KATNAL1: variants seen among roughly 807,000 people sequenced by gnomAD.
KATNAL1 encodes the protein katanin catalytic subunit A1 like 1, also known as katanin p60 ATPase-containing subunit A-like 1.
In KATNAL1, 32 loss-of-function variants were observed where a neutral mutation model predicts 55.2. That is an observed-to-expected ratio of 0.58 (90% CI 0.44 to 0.78). KATNAL1 has a LOEUF of 0.78. Ranked by LOEUF, KATNAL1 falls within the 30% of genes least tolerant of loss-of-function variation. The probability of loss-of-function intolerance (pLI) is 0.00; values close to 1 mark genes in which losing one functional copy is unlikely to be tolerated. For synonymous variants in KATNAL1, 193 were observed against 193.6 expected (o/e 1.00, Z 0.02); for missense variants, 466 against 600.9 (o/e 0.78, Z 2.35).
intron 1 of KATNAL1, chr13:30,306,695 C>T (rs1883199263): frequency 6.6e-6 from 1 of 152,220 alleles, no homozygotes; most frequent in Admixed American, 6.5e-5. Flanking sequence ...ATAAACGTAT[C>T]CAGGAAAGGA....
intron 3 of KATNAL1, among the ~76,000 whole-genome samples, chr13:30,272,537 G>GTC (rs1880460474): frequency 6.6e-6 from 1 of 152,130 alleles, no homozygotes; most frequent in African/African-American, 2.4e-5. Context: ...CAACAAAAAT[G>GTC]TAAAAGTAAC....
intron 1 of KATNAL1, among the ~76,000 whole-genome samples, chr13:30,298,260 A>C (rs1162178103): frequency 6.6e-6 from 1 of 152,210 alleles, no homozygotes; most frequent in Non-Finnish European, 1.5e-5. Flanking sequence ...CAAAATAAAT[A>C]AACTCATATG....
intron 1 of KATNAL1, among the ~76,000 whole-genome samples, chr13:30,303,827 A>T (rs1476142781): frequency 6.6e-6 from 1 of 152,192 alleles, no homozygotes; most frequent in African/African-American, 2.4e-5. Context: ...GCTTCATTTT[A>T]AAAAATTGAT....
chr13:30,285,690 A>T (rs1182610536), intron 1 of KATNAL1, among the ~76,000 whole-genome samples: 1 of 152,220 alleles, frequency 6.6e-6, no homozygotes, highest in Non-Finnish European at 1.5e-5. Flanking sequence ...GTGACTTTGG[A>T]ACTGGGTAGC....
intron 4 of KATNAL1, among the ~76,000 whole-genome samples, chr13:30,253,868 G>A (rs1195522122): frequency 1.3e-5 from 2 of 152,130 alleles, no homozygotes; most frequent in Non-Finnish European, 2.9e-5. Context: ...AAAAAGATGT[G>A]TGACTTCACA....
chr13:30,220,781 C>G (rs1003336911), intron 9 of KATNAL1, among the ~76,000 whole-genome samples: 1 of 151,136 alleles, frequency 6.6e-6, no homozygotes, highest in Non-Finnish European at 1.5e-5. Context: ...TGACTGCAAC[C>G]TCCACCTCGT....
chr13:30,239,227 T>C lies in KATNAL1; in HGVS notation c.726+1233A>G, dbSNP rs566621764. Among the ~76,000 whole-genome samples, 4 of 152,260 alleles carry C rather than the reference T, an allele frequency of 2.6e-5. No individual in the cohort carries two copies. In the South Asian group the frequency reaches 6.2e-4, roughly 24 times the overall value. ...GAGTTCAAGACCAACCTGGCCAACATGGCAAAACCCAGCCTCTACCAAAAA... is the reference window on the plus strand; with the variant it reads ...GAGTTCAAGACCAACCTGGCCAACACGGCAAAACCCAGCCTCTACCAAAAA... On this transcript the variant is annotated intron_variant, in intron 6 of 10. Coordinates refer to ENST00000380615, the MANE Select transcript of KATNAL1 (RefSeq NM_032116.5).
intron 9 of KATNAL1, among the ~76,000 whole-genome samples, chr13:30,223,177 C>T (rs1470431327): frequency 2.0e-5 from 3 of 151,816 alleles, no homozygotes. Flanking sequence ...GCACTGTACA[C>T]ACCTGTAATC....
In KATNAL1 at chr13:30,255,495, A is replaced by C. The variant is rs1233065807; in HGVS notation, c.444T>G (p.Pro148=). Reference sequence around the variant, plus strand: ...TATAGTCCTTGTCCCTACTTGTAGAAGGCTTTTCACTCTTTGATATAGGAT... The same window carrying C: ...TATAGTCCTTGTCCCTACTTGTAGACGGCTTTTCACTCTTTGATATAGGAT... The part of the protein sequence containing the change: ...RAHPISKSEK[P]STSRDKDYRA... Residue 148 remains proline (P), a synonymous_variant, in exon 4 of 11, where the codon CCT becomes CCG. Coordinates refer to ENST00000380615, the MANE Select transcript of KATNAL1 (RefSeq NM_032116.5). 6 of 1,595,954 alleles carry C rather than the reference A, an allele frequency of 3.8e-6. No homozygotes were observed. Among genetic ancestry groups the C allele is most frequent in the Non-Finnish European group, 5.1e-6 (6 of 1,170,878 alleles).
intron 3 of KATNAL1, among the ~76,000 whole-genome samples, chr13:30,262,030 A>AG (rs2137479559): frequency 6.6e-6 from 1 of 152,110 alleles, no homozygotes; most frequent in South Asian, 2.1e-4. Context: ...CTCAGACCAC[A>AG]GTGCAATCAA....
At chr13:30,284,983 A>G (rs1228976045) in intron 1 of KATNAL1, among the ~76,000 whole-genome samples, 2 of 152,214 alleles carry the variant, frequency 1.3e-5, no homozygotes, top group Non-Finnish European at 2.9e-5. Flanking sequence ...ATGAATACAC[A>G]TAAAGAAGAA....
intron 4 of KATNAL1, among the ~76,000 whole-genome samples, chr13:30,245,416 A>C (rs1877690287): frequency 6.6e-6 from 1 of 152,174 alleles, no homozygotes; most frequent in African/African-American, 2.4e-5. Context: ...AAATAATAAG[A>C]GCTATTCATG....
At chr13:30,290,401 A>G (rs1260276391) in intron 1 of KATNAL1, among the ~76,000 whole-genome samples, 2 of 152,224 alleles carry the variant, frequency 1.3e-5, no homozygotes, top group African/African-American at 2.4e-5. Context: ...CTACTGAAAG[A>G]CAAAAGAGAG....
rs1420854610 is a variant in KATNAL1 at position 30,208,378 on chromosome 13, T to C, written c.*162A>G. 1 of 584,490 alleles carries C rather than the reference T, an allele frequency of 1.7e-6. No individual in the cohort carries two copies. Among genetic ancestry groups the C allele is most frequent in the Non-Finnish European group, 2.9e-6 (1 of 344,514 alleles). The allele number at this position is 584,490 out of a possible 1,614,324, so 36.2% of individuals were successfully genotyped here. A position where few individuals can be genotyped will look rare whatever the true frequency, so the allele number is the denominator to read the frequency against. ...ACTAGCAAACTCTCGCCATCAATTA[T>C]TTCTCAACTACATTTAGTATTCTTC... On this transcript the variant is annotated 3_prime_UTR_variant, in exon 11 of 11. Coordinates refer to ENST00000380615, the MANE Select transcript of KATNAL1 (RefSeq NM_032116.5).
intron 4 of KATNAL1, among the ~76,000 whole-genome samples, chr13:30,245,231 G>A (rs2137435403): frequency 1.3e-5 from 2 of 152,284 alleles, no homozygotes; most frequent in South Asian, 4.1e-4. Context: ...TCACCCCTGG[G>A]ATGCAGGGCT....
At chr13:30,279,721 A>C (rs1881130098) in intron 3 of KATNAL1, among the ~76,000 whole-genome samples, 1 of 152,164 alleles carries the variant, frequency 6.6e-6, no homozygotes, top group Non-Finnish European at 1.5e-5. Context: ...CTTCATTTGA[A>C]GTTGTTAGAG....
intron 7 of KATNAL1, 45 bp from the exon 8 acceptor site, chr13:30,230,639 A>G: frequency 2.1e-6 from 3 of 1,415,668 alleles, no homozygotes; most frequent in Non-Finnish European, 2.9e-6. Flanking sequence ...ATCTCATAAA[A>G]CAATTGGAGT....
chr13:30,295,731 T>C (rs560756144), intron 1 of KATNAL1, among the ~76,000 whole-genome samples: 5 of 152,342 alleles, frequency 3.3e-5, no homozygotes, highest in East Asian at 1.9e-4. Context: ...ATAAAGGATT[T>C]AGATTACTAC....
intron 10 of KATNAL1, among the ~76,000 whole-genome samples, chr13:30,209,991 C>A (rs1311232243): frequency 2.6e-5 from 4 of 151,992 alleles, no homozygotes; most frequent in Admixed American, 6.6e-5. Context: ...ACCGTGTTAG[C>A]CAGGATGGTC....
Sources: allele counts gnomAD v4.1 joint callset (sites outside exome capture counted in the v4.1 genomes callset), GRCh38; gene constraint gnomAD v4.1.1; transcripts MANE v1.5; gene names NCBI Gene and HGNC (gene_info 2026-07-23, HGNC 2026-07-21).